The following ADAMTS2 variants were observed in gnomAD, a reference collection of about 807,000 sequenced individuals.
The protein encoded by ADAMTS2 is ADAM metallopeptidase with thrombospondin type 1 motif 2, also known as A disintegrin and metalloproteinase with thrombospondin motifs 2.
Under a neutral mutation model 123.0 loss-of-function variants are expected in ADAMTS2, and 50 were observed. That is an observed-to-expected ratio of 0.41 (90% CI 0.32 to 0.51). ADAMTS2 has a LOEUF of 0.51. Ranked by LOEUF, ADAMTS2 falls within the 20% of genes least tolerant of loss-of-function variation. ADAMTS2 has a pLI of 0.35. For synonymous variants in ADAMTS2, 678 were observed against 695.4 expected (o/e 0.98, Z 0.39); for missense variants, 1,494 against 1,705.2 (o/e 0.88, Z 2.18).
chr5:179,201,787 G>A (rs748146005), intron 4 of ADAMTS2, among the ~76,000 whole-genome samples: 1 of 152,110 alleles, frequency 6.6e-6, no homozygotes, highest in Non-Finnish European at 1.5e-5. Flanking sequence ...GGGCGACAGA[G>A]TGAGACTCTG....
At chr5:179,335,356 G>T (rs1275086911) in intron 2 of ADAMTS2, among the ~76,000 whole-genome samples, 2 of 152,102 alleles carry the variant, frequency 1.3e-5, no homozygotes, top group African/African-American at 4.8e-5. Context: ...GGGGTACGAA[G>T]TCTCTGAAAT....
chr5:179,248,418 G>A (rs1349989403), intron 3 of ADAMTS2, among the ~76,000 whole-genome samples: 1 of 152,070 alleles, frequency 6.6e-6, no homozygotes, highest in Non-Finnish European at 1.5e-5. Flanking sequence ...ACTAAATGCT[G>A]CAATTAAAAT....
At chr5:179,124,288 G>A (rs1287288148) in intron 19 of ADAMTS2, among the ~76,000 whole-genome samples, 5 of 152,120 alleles carry the variant, frequency 3.3e-5, no homozygotes, top group Non-Finnish European at 5.9e-5. Flanking sequence ...CAGAGCTCAC[G>A]TCAGCTCTGT....
rs932674267 is a variant in ADAMTS2 at position 179,307,178 on chromosome 5, T to G, written c.535-34114A>C. On this transcript the variant is annotated intron_variant, in intron 2 of 21. Coordinates refer to ENST00000251582, the MANE Select transcript of ADAMTS2 (RefSeq NM_014244.5). The surrounding 1 kb of genome is among the most constrained non-coding windows in gnomAD (Gnocchi z 5.6). The stretch of plus-strand genomic sequence containing the variant: ...TGAGACAGACACAGGGGGCCCGCAC[T>G]GCAGAGCTGCCCCGGCCCACGCGCC... Among the ~76,000 whole-genome samples, 1 of 152,172 alleles carries G rather than the reference T, an allele frequency of 6.6e-6. No individual in the cohort carries two copies. Among genetic ancestry groups the G allele is most frequent in the African/African-American group, 2.4e-5 (1 of 41,456 alleles).
intron 3 of ADAMTS2, among the ~76,000 whole-genome samples, chr5:179,226,664 G>A (rs1765299856): frequency 6.6e-6 from 1 of 152,154 alleles, no homozygotes; most frequent in Admixed American, 6.5e-5. Context: ...CGGATCAGGG[G>A]TACATGCTGA....
chr5:179,289,111 G>C (rs951030211), intron 2 of ADAMTS2, among the ~76,000 whole-genome samples: 1 of 152,024 alleles, frequency 6.6e-6, no homozygotes, highest in Non-Finnish European at 1.5e-5. Context: ...ACAGGACTGC[G>C]CCCCTCCTGC....
intron 2 of ADAMTS2, among the ~76,000 whole-genome samples, chr5:179,290,502 C>T (rs115528948): frequency 2.7e-4 from 41 of 152,314 alleles, no homozygotes; most frequent in African/African-American, 8.7e-4. Flanking sequence ...TAAGTACCAA[C>T]GCTTAGTATC....
chr5:179,186,450 C>G (rs1764171995), intron 4 of ADAMTS2, among the ~76,000 whole-genome samples: 1 of 152,192 alleles, frequency 6.6e-6, no homozygotes, highest in Admixed American at 6.5e-5. Context: ...CCACAGTGTC[C>G]TTGTCCTCCG....
At chr5:179,182,146 G>C (rs959618326) in intron 4 of ADAMTS2, among the ~76,000 whole-genome samples, 1 of 152,218 alleles carries the variant, frequency 6.6e-6, no homozygotes, top group African/African-American at 2.4e-5. Flanking sequence ...CACAAGGTGT[G>C]TTATTTCTGG....
chr5:179,257,480 C>T (rs1296925643), intron 3 of ADAMTS2, among the ~76,000 whole-genome samples: 1 of 152,182 alleles, frequency 6.6e-6, no homozygotes, highest in African/African-American at 2.4e-5. Context: ...CCAGGGGCTG[C>T]TCCGAACCCG....
chr5:179,225,720 C>T lies in ADAMTS2; in HGVS notation c.689-18005G>A, dbSNP rs191211747. The stretch of plus-strand genomic sequence containing the variant: ...CCCAGGCTGCTTAGCGGCCCGACTC[C>T]AGGGAAAGCCCTTTGCACCCCATCC... On this transcript the variant is annotated intron_variant, in intron 3 of 21. Coordinates refer to ENST00000251582, the MANE Select transcript of ADAMTS2 (RefSeq NM_014244.5). The surrounding 1 kb of genome is among the most constrained non-coding windows in gnomAD (Gnocchi z 4.5). Among the ~76,000 whole-genome samples the T allele has an allele frequency of 6.6e-6, 1 of 152,296 alleles. No homozygotes were observed.
intron 5 of ADAMTS2, among the ~76,000 whole-genome samples, chr5:179,163,326 GT>G (rs1763635127): frequency 1.3e-5 from 2 of 152,214 alleles, no homozygotes; most frequent in Admixed American, 1.3e-4. Context: ...TAGAGTGGGG[GT>G]CGGTGATAAG....
rs1255585878 is a variant in ADAMTS2, at chr5:179,332,936, GCCC to G, written c.534+10828_534+10830del. On this transcript the variant is annotated intron_variant, in intron 2 of 21. Coordinates refer to ENST00000251582, the MANE Select transcript of ADAMTS2 (RefSeq NM_014244.5). This position sits in a 1 kb window ranked among gnomAD's most constrained non-coding sequence, Gnocchi z 4.2. ...TCCAGGTGGCCGCCAAGTGTGGACAGCCCTGCAGCAAAGGCCAGCTACTGCCCT... is the reference window on the plus strand; with the variant it reads ...TCCAGGTGGCCGCCAAGTGTGGACAGTGCAGCAAAGGCCAGCTACTGCCCT... Among the ~76,000 whole-genome samples, 1 of 152,170 alleles carries G rather than the reference GCCC, an allele frequency of 6.6e-6. No individual in the cohort carries two copies. Among genetic ancestry groups the G allele is most frequent in the East Asian group, 1.9e-4 (1 of 5,190 alleles).
intron 3 of ADAMTS2, among the ~76,000 whole-genome samples, chr5:179,268,585 G>A (rs1766435813): frequency 6.6e-6 from 1 of 152,246 alleles, no homozygotes; most frequent in Non-Finnish European, 1.5e-5. Context: ...CACAGGGTTG[G>A]CTTCTCTGTG....
chr5:179,184,518 A>G (rs1353449610), intron 4 of ADAMTS2, among the ~76,000 whole-genome samples: 1 of 123,720 alleles, frequency 8.1e-6, no homozygotes, highest in African/African-American at 2.6e-5. Context: ...CTAAAAAAAA[A>G]AAAAAAAAAA....
At chr5:179,207,409 T>TCGGCAGAGCCTCAGGGGACCTGGCC in intron 4 of ADAMTS2, 104 bp downstream of exon 4, 1 of 1,234,268 alleles carries the variant, frequency 8.1e-7, no homozygotes, top group South Asian at 1.3e-5. Context: ...AACAAGGAAA[T>TCGGCAGAGCCTCAGGGGACCTGGCC]CGGCAGAGCC....
At chr5:179,116,237 C>G (rs941577328) in intron 21 of ADAMTS2, among the ~76,000 whole-genome samples, 4 of 151,690 alleles carry the variant, frequency 2.6e-5, no homozygotes, top group African/African-American at 9.7e-5. Context: ...ATGCTGTTTT[C>G]TCACTGAAGA....
intron 2 of ADAMTS2, among the ~76,000 whole-genome samples, chr5:179,278,191 C>CT (rs1385933564): frequency 2.1e-5 from 3 of 143,694 alleles, no homozygotes; most frequent in Middle Eastern, 3.4e-3. Flanking sequence ...GGCTGACCCC[C>CT]CCAAGACCAT....
chr5:179,329,123 G>T (rs378435), intron 2 of ADAMTS2, among the ~76,000 whole-genome samples: 3,138 of 151,834 alleles, frequency 0.021, 35 homozygotes, highest in Non-Finnish European at 0.024. Flanking sequence ...GTCAGGAGAT[G>T]GAGACCATCC....
Sources: gnomAD v4.1 joint callset for allele counts (sites outside exome capture counted in the v4.1 genomes callset) on GRCh38, gnomAD v4.1.1 for gene constraint, Gnocchi (gnomAD v3.1) non-coding constraint, MANE v1.5 for transcripts, NCBI Gene and HGNC (gene_info 2026-07-23, HGNC 2026-07-21) for gene names.